DNAAF4: variants seen among roughly 807,000 people sequenced by gnomAD.
DNAAF4 encodes dynein assembly factor 4, axonemal.
In DNAAF4, 43 loss-of-function variants were observed where a neutral mutation model predicts 51.8. The observed-to-expected ratio is 0.83, with a 90% CI of 0.65 to 1.07. The LOEUF is 1.07. Among genes scored for constraint, DNAAF4 ranks in the 50% least tolerant of loss-of-function variants. The pLI is 0.00. For synonymous variants in DNAAF4, 194 were observed against 165.6 expected, an observed-to-expected ratio of 1.17 and a Z score of -1.32; for missense variants, 581 against 493.0, an observed-to-expected ratio of 1.18 and a Z score of -1.69.
chr15:55,476,912 T>G (rs1009273394), intron 4 of DNAAF4, among the ~76,000 whole-genome samples: 3 of 152,198 alleles, frequency 2.0e-5, no homozygotes, highest in Non-Finnish European at 2.9e-5. Flanking sequence ...GGCTCACGCC[T>G]GTAATCCCCG....
At chr15:55,460,433 G>A (rs1466068193) in intron 5 of DNAAF4, among the ~76,000 whole-genome samples, 1 of 152,086 alleles carries the variant, frequency 6.6e-6, no homozygotes, top group Admixed American at 6.6e-5. Flanking sequence ...ACCCGCCTCG[G>A]CCTCCCAAAG....
At chr15:55,428,884 G>C (rs2057458399), downstream of DNAAF4, among the ~76,000 whole-genome samples, 1 of 151,974 alleles carries the variant, frequency 6.6e-6, no homozygotes, top group African/African-American at 2.4e-5. Flanking sequence ...ATAAGATGCT[G>C]CTTGATTCAT....
intron 6 of DNAAF4, among the ~76,000 whole-genome samples, chr15:55,449,232 C>T (rs1202745906): frequency 6.6e-6 from 1 of 150,502 alleles, no homozygotes; most frequent in African/African-American, 2.4e-5. Flanking sequence ...TCAGGTGATC[C>T]ACCCACCTCG....
chr15:55,478,948 T>C (rs1217757753), intron 4 of DNAAF4, among the ~76,000 whole-genome samples: 1 of 152,100 alleles, frequency 6.6e-6, no homozygotes. Context: ...ACCTCTTATC[T>C]GATCATGTAA....
chr15:55,433,857 T>C (rs1595890577), intron 8 of DNAAF4, among the ~76,000 whole-genome samples: 1 of 46,966 alleles, frequency 2.1e-5, no homozygotes, highest in African/African-American at 7.5e-5. Context: ...ATATATATTA[T>C]AATATATATT....
intron 3 of DNAAF4, 120 bp downstream of exon 3, chr15:55,497,592 T>C (rs1184513713): frequency 4.9e-6 from 6 of 1,213,116 alleles, no homozygotes; most frequent in Admixed American, 2.5e-5. Context: ...AGAGCAAGAC[T>C]CTTAAAAAAA....
intron 4 of DNAAF4, among the ~76,000 whole-genome samples, chr15:55,488,841 C>A (rs2058528929): frequency 6.6e-6 from 1 of 152,180 alleles, no homozygotes; most frequent in Non-Finnish European, 1.5e-5. Context: ...GTAATCCCAG[C>A]ACTTCGGGAA....
At chr15:55,423,699 T>C (rs1363000356) in intron 7 of DNAAF4, among the ~76,000 whole-genome samples, 1 of 152,166 alleles carries the variant, frequency 6.6e-6, no homozygotes, top group East Asian at 1.9e-4. Context: ...ACACCTGCAA[T>C]CTCAGCACTT....
chr15:55,494,266 T>A (rs1021639399), intron 3 of DNAAF4, among the ~76,000 whole-genome samples: 1 of 152,082 alleles, frequency 6.6e-6, no homozygotes, highest in African/African-American at 2.4e-5. Flanking sequence ...CAACCTCAGA[T>A]GATCAGCCCG....
chr15:55,502,386 T>C (rs2058704161), intron 1 of DNAAF4, among the ~76,000 whole-genome samples: 1 of 152,170 alleles, frequency 6.6e-6, no homozygotes, highest in Non-Finnish European at 1.5e-5. Flanking sequence ...GCTGAAGGAA[T>C]TGCAGCTCAT....
intron 3 of DNAAF4, among the ~76,000 whole-genome samples, chr15:55,493,236 T>C (rs2058597889): frequency 6.6e-6 from 1 of 152,226 alleles, no homozygotes; most frequent in African/African-American, 2.4e-5. Context: ...AAAGTTCTGT[T>C]GTTTATAAGC....
chr15:55,506,418 A>G (rs2058727531), intron 1 of DNAAF4, among the ~76,000 whole-genome samples: 2 of 152,188 alleles, frequency 1.3e-5, no homozygotes, highest in South Asian at 4.1e-4. Context: ...CACTATTAAC[A>G]TTATAGGCTG....
intron 4 of DNAAF4, chr15:55,490,911 C>T (rs367828329): frequency 3.2e-4 from 141 of 434,658 alleles, no homozygotes; most frequent in South Asian, 1.6e-3. Flanking sequence ...CCCAGATCAC[C>T]GCACTGCACT....
intron 1 of DNAAF4, among the ~76,000 whole-genome samples, chr15:55,506,661 T>C (rs919829054): frequency 3.3e-5 from 5 of 152,130 alleles, no homozygotes; most frequent in African/African-American, 1.2e-4. Flanking sequence ...TAGGTGTTCA[T>C]AGCAACTTCA....
intron 1 of DNAAF4, among the ~76,000 whole-genome samples, chr15:55,503,468 C>T (rs146418229): frequency 0.02 from 3,086 of 152,028 alleles, 116 homozygotes; most frequent in African/African-American, 0.071. Context: ...AGAAACACAA[C>T]AAAAAAAGAT....
At chr15:55,464,499 C>T (rs1470788200) in intron 5 of DNAAF4, among the ~76,000 whole-genome samples, 1 of 152,148 alleles carries the variant, frequency 6.6e-6, no homozygotes, top group African/African-American at 2.4e-5. Context: ...AAGAAATAAT[C>T]AGCACAGTAA....
chr15:55,480,620 A>G (rs563111636), intron 4 of DNAAF4, among the ~76,000 whole-genome samples: 2 of 151,982 alleles, frequency 1.3e-5, no homozygotes, highest in Non-Finnish European at 2.9e-5. Context: ...AACTGCAACC[A>G]TCAGGCACAA....
intron 5 of DNAAF4, among the ~76,000 whole-genome samples, chr15:55,461,526 C>A (rs2058094676): frequency 6.6e-6 from 1 of 152,006 alleles, no homozygotes. Context: ...CGTAACCTGC[C>A]CCTGAATGAT....
Position 55,498,299 on chromosome 15 carries a change from G to C in DNAAF4, c.31C>G (p.Gln11Glu). 1 of 1,612,840 alleles carries C rather than the reference G, an allele frequency of 6.2e-7. No homozygotes were observed. The highest frequency in any genetic ancestry group is 8.5e-7 in the Non-Finnish European group (1 of 1,179,384). Residue 11 changes from glutamine to glutamate, a missense_variant, in exon 2 of 10, where the codon CAG becomes GAG. Coordinates refer to ENST00000321149, the MANE Select transcript of DNAAF4 (RefSeq NM_130810.4). Reference sequence around the variant, plus strand: ...AGAAAGACCGCAGTCTTCGTCTGCTGCCAGCTGTAATCGCTAACCTGAAGA... The same window carrying C: ...AGAAAGACCGCAGTCTTCGTCTGCTCCCAGCTGTAATCGCTAACCTGAAGA... MPLQVSDYSW[Q>E]QTKTAVFLSL...
Sources: allele counts gnomAD v4.1 joint callset (sites outside exome capture counted in the v4.1 genomes callset), GRCh38; gene constraint gnomAD v4.1.1; transcripts MANE v1.5; gene names NCBI Gene and HGNC (gene_info 2026-07-23, HGNC 2026-07-21).